RBFOX1: variants seen among roughly 807,000 people sequenced by gnomAD.
RBFOX1 encodes RNA binding fox-1 homolog 1.
RBFOX1 carries 8 observed loss-of-function variants against 57.7 expected under a neutral mutation model. That is an observed-to-expected ratio of 0.14 (90% CI 0.08 to 0.25). The LOEUF (loss-of-function observed/expected upper bound fraction) is 0.25. Ranked by LOEUF, RBFOX1 falls within the 10% of genes least tolerant of loss-of-function variation. RBFOX1 has a pLI of 1.00. For missense variants in RBFOX1, 611 were observed against 548.5 expected (o/e 1.11, Z -1.14); for synonymous variants, 326 against 222.4 (o/e 1.47, Z -4.15).
chr16:7,010,036 A>G (rs1238280414), intron 3 of RBFOX1, among the ~76,000 whole-genome samples: 5 of 152,030 alleles, frequency 3.3e-5, no homozygotes, highest in Non-Finnish European at 7.4e-5. Flanking sequence ...TCTTAAGAAA[A>G]AAAAAATGCA....
chr16:6,297,201 A>G (rs1172143972), intron 1 of RBFOX1, among the ~76,000 whole-genome samples: 1 of 152,048 alleles, frequency 6.6e-6, no homozygotes, highest in African/African-American at 2.4e-5. Context: ...AACCTATTTT[A>G]TCAGCAAGAT....
intron 3 of RBFOX1, among the ~76,000 whole-genome samples, chr16:6,906,944 G>T (rs1349220003): frequency 6.6e-6 from 1 of 152,006 alleles, no homozygotes; most frequent in Non-Finnish European, 1.5e-5. Context: ...GGCTGGTCTT[G>T]AACTCCTGAC....
intron 9 of RBFOX1, among the ~76,000 whole-genome samples, chr16:7,602,331 G>A (rs1015082151): frequency 1.3e-5 from 2 of 152,288 alleles, no homozygotes; most frequent in Admixed American, 1.3e-4. Flanking sequence ...ATCTGATACA[G>A]AGCCAGACCC....
At chr16:7,710,446 TGGGGA>T in intron 15 of RBFOX1, 172 bp from the exon 16 acceptor site, 1 of 1,433,312 alleles carries the variant, frequency 7.0e-7, no homozygotes, top group African/African-American at 1.5e-5. Flanking sequence ...GAGGAGCTAT[TGGGGA>T]AGGTCAGGAA....
At chr16:6,887,880 T>A (rs1344263373) in intron 3 of RBFOX1, among the ~76,000 whole-genome samples, 1 of 152,106 alleles carries the variant, frequency 6.6e-6, no homozygotes, top group Non-Finnish European at 1.5e-5. Context: ...CAGGCTGGTC[T>A]CGAACTCCAG....
intron 3 of RBFOX1, among the ~76,000 whole-genome samples, chr16:6,924,252 C>T (rs2075101711): frequency 1.3e-5 from 2 of 152,042 alleles, no homozygotes; most frequent in Admixed American, 6.6e-5. Flanking sequence ...ATTTGACTCA[C>T]AGTTCTGCTG....
chr16:7,440,596 A>T (rs2098758321), intron 4 of RBFOX1, among the ~76,000 whole-genome samples: 1 of 152,116 alleles, frequency 6.6e-6, no homozygotes, highest in Non-Finnish European at 1.5e-5. Flanking sequence ...TCATACTTTT[A>T]ATCTGGAGAG....
intron 4 of RBFOX1, among the ~76,000 whole-genome samples, chr16:7,382,405 A>G (rs1483930188): frequency 6.6e-6 from 1 of 152,258 alleles, no homozygotes; most frequent in African/African-American, 2.4e-5. Flanking sequence ...TTTTCTAGAT[A>G]ATCATTCACC....
chr16:7,460,582 G>T (rs921364745), intron 4 of RBFOX1, among the ~76,000 whole-genome samples: 1 of 148,350 alleles, frequency 6.7e-6, no homozygotes, highest in Non-Finnish European at 1.5e-5. Context: ...GAAGGTAGGA[G>T]GATGGAAAGG....
At chr16:7,477,757 G>A (rs2063043065) in intron 4 of RBFOX1, among the ~76,000 whole-genome samples, 1 of 152,150 alleles carries the variant, frequency 6.6e-6, no homozygotes, top group African/African-American at 2.4e-5. Flanking sequence ...CTGCAAATAT[G>A]ACCTTTCCCT....
intron 4 of RBFOX1, among the ~76,000 whole-genome samples, chr16:7,376,122 T>C (rs2097681789): frequency 6.6e-6 from 1 of 152,204 alleles, no homozygotes. Context: ...CAACAAGAAA[T>C]AATACAAATA....
At chr16:7,144,600 T>G (rs76534948) in intron 4 of RBFOX1, among the ~76,000 whole-genome samples, 13,283 of 151,716 alleles carry the variant, frequency 0.088, 686 homozygotes, top group East Asian at 0.12. Context: ...CTAGACCTAT[T>G]TAGAAAGTTC....
At chr16:6,382,502 T>C (rs1422163737) in intron 2 of RBFOX1, among the ~76,000 whole-genome samples, 1 of 152,212 alleles carries the variant, frequency 6.6e-6, no homozygotes, top group Admixed American at 6.5e-5. Flanking sequence ...TTTGTGCAGC[T>C]CTTTGGGCCT....
Position 5,283,309 on chromosome 16 carries a change from CA to C in RBFOX1, c.219+43205del, listed in dbSNP as rs2063316314. Among the ~76,000 whole-genome samples, 4 of 152,280 alleles carry C rather than the reference CA, an allele frequency of 2.6e-5. No individual in the cohort carries two copies. The South Asian group carries it at 8.3e-4, about 32-fold the overall frequency. On this transcript the variant is annotated intron_variant, in intron 1 of 2. Coordinates refer to the RBFOX1 transcript ENST00000585867. ...AAGGGAAATGTGGGGTCGGAGCCCC[CA>C]CATAGAGTCCCTACTGTGGCACCAC...
intron 2 of RBFOX1, among the ~76,000 whole-genome samples, chr16:6,408,068 G>A (rs2093346388): frequency 6.6e-6 from 1 of 152,090 alleles, no homozygotes; most frequent in African/African-American, 2.4e-5. Context: ...ACACACAGAA[G>A]GCACCATCTA....
chr16:7,607,443 C>T (rs1369208912), intron 10 of RBFOX1, 105 bp downstream of exon 10: 25 of 1,032,346 alleles, frequency 2.4e-5, no homozygotes, highest in Non-Finnish European at 3.7e-5. Flanking sequence ...AAGTGAATTC[C>T]TATCCTAACA....
At chr16:6,744,051 C>T (rs971598023) in intron 3 of RBFOX1, among the ~76,000 whole-genome samples, 1 of 151,894 alleles carries the variant, frequency 6.6e-6, no homozygotes, top group South Asian at 2.1e-4. Context: ...AATAAAGATA[C>T]AGAATGTGAT....
intron 2 of RBFOX1, among the ~76,000 whole-genome samples, chr16:6,345,092 T>C (rs2085168301): frequency 6.6e-6 from 1 of 152,206 alleles, no homozygotes; most frequent in Non-Finnish European, 1.5e-5. Context: ...CACTAGATTC[T>C]TGTGAAGCAA....
intron 3 of RBFOX1, among the ~76,000 whole-genome samples, chr16:5,652,677 C>A (rs1250145300): frequency 6.6e-6 from 1 of 152,142 alleles, no homozygotes; most frequent in African/African-American, 2.4e-5. Flanking sequence ...GTGCAGGAAC[C>A]CAGCTACATA....
Sources: allele counts gnomAD v4.1 joint callset (sites outside exome capture counted in the v4.1 genomes callset), GRCh38; gene constraint gnomAD v4.1.1; transcripts MANE v1.5; gene names NCBI Gene and HGNC (gene_info 2026-07-23, HGNC 2026-07-21).